Variants in BAZ1A observed in about 807,000 individuals in gnomAD.
BAZ1A encodes bromodomain adjacent to zinc finger domain protein 1A.
BAZ1A carries 50 observed loss-of-function variants against 185.2 expected under a neutral mutation model. That is an observed-to-expected ratio of 0.27 (90% CI 0.22 to 0.34). BAZ1A has a LOEUF of 0.34. Ranked by LOEUF, BAZ1A falls within the 10% of genes least tolerant of loss-of-function variation. The pLI is 1.00. For missense variants in BAZ1A, 1,356 were observed against 1,839.9 expected (o/e 0.74, Z 4.81); for synonymous variants, 571 against 615.6 (o/e 0.93, Z 1.07).
chr14:34,853,338 C>T (rs2042626133), intron 3 of BAZ1A, among the ~76,000 whole-genome samples: 1 of 152,180 alleles, frequency 6.6e-6, no homozygotes, highest in South Asian at 2.1e-4. Context: ...TTTCCCCTAT[C>T]TTTGCCAAGT....
At chr14:34,761,233 C>T (rs1169840853) in intron 24 of BAZ1A, among the ~76,000 whole-genome samples, 1 of 152,144 alleles carries the variant, frequency 6.6e-6, no homozygotes, top group African/African-American at 2.4e-5. Context: ...GCCAAGATTG[C>T]ACCACTGCAC....
chr14:34,823,920 C>T (rs2042123714), intron 4 of BAZ1A, among the ~76,000 whole-genome samples: 1 of 152,038 alleles, frequency 6.6e-6, no homozygotes. Flanking sequence ...TTAAAGGTTA[C>T]AATCTTTGAC....
In BAZ1A at chr14:34,874,579, A is replaced by C. The variant is rs747122468; in HGVS notation, c.26T>G (p.Phe9Cys). MPLLHRKP[F>C]VRQKPPADLR... The stretch of plus-strand genomic sequence containing the variant: ...GTCCGCGGGCGGCTTCTGTCTCACA[A>C]ACGGCTTTCGGTGTAGCAGCGGCAT... Residue 9 changes from phenylalanine (F) to cysteine (C), a missense_variant, in exon 2 of 27, where the codon TTT (phenylalanine) becomes TGT (cysteine). Physicochemically the swap from Phe to Cys is radical, Grantham distance 205 (BLOSUM62 -2). Transcript: ENST00000360310. The surrounding 1 kb of genome is among the most constrained non-coding windows in gnomAD (Gnocchi z 4.7). 1.1e-5 allele frequency: 17 copies of C among 1,609,238 alleles called. No homozygotes were observed. Among genetic ancestry groups the C allele is most frequent in the Non-Finnish European group, 1.4e-5 (17 of 1,178,110 alleles).
intron 15 of BAZ1A, 77 bp downstream of exon 15, chr14:34,783,685 G>C: frequency 6.6e-7 from 1 of 1,515,734 alleles, no homozygotes; most frequent in Non-Finnish European, 8.9e-7. Context: ...CCACATTATA[G>C]CACCATGTGA....
chr14:34,865,491 T>G (rs1196069221), intron 2 of BAZ1A, among the ~76,000 whole-genome samples: 2 of 152,216 alleles, frequency 1.3e-5, no homozygotes, highest in Non-Finnish European at 2.9e-5. Flanking sequence ...CATCTATCTG[T>G]GTAGGTTATC....
At chr14:34,776,635 C>G in intron 17 of BAZ1A, 120 bp from the exon 18 acceptor site, 2 of 757,096 alleles carry the variant, frequency 2.6e-6, no homozygotes, top group Non-Finnish European at 4.2e-6. Context: ...CCCCTCTCCA[C>G]AACCCCAAGT....
At chr14:34,831,404 T>C (rs1327834341) in intron 3 of BAZ1A, among the ~76,000 whole-genome samples, 2 of 152,218 alleles carry the variant, frequency 1.3e-5, no homozygotes, top group African/African-American at 4.8e-5. Context: ...GATAAAATTC[T>C]GGTGCTGTCG....
chr14:34,846,875 C>T (rs1440161938), intron 3 of BAZ1A, among the ~76,000 whole-genome samples: 1 of 151,958 alleles, frequency 6.6e-6, no homozygotes, highest in East Asian at 1.9e-4. Flanking sequence ...ATCCTGCACA[C>T]GTACCTCAGA....
chr14:34,873,434 C>A (rs1013493044), intron 2 of BAZ1A, among the ~76,000 whole-genome samples: 3 of 152,216 alleles, frequency 2.0e-5, no homozygotes, highest in Non-Finnish European at 4.4e-5. Context: ...CCCCCTTGCT[C>A]CGTGTCACAG....
chr14:34,863,473 A>G (rs981442825), intron 2 of BAZ1A, among the ~76,000 whole-genome samples: 4 of 151,030 alleles, frequency 2.6e-5, no homozygotes, highest in African/African-American at 4.9e-5. Flanking sequence ...ATGCTCATCT[A>G]ATTTTTATAT....
At chr14:34,838,498 G>A (rs1376708634) in intron 3 of BAZ1A, among the ~76,000 whole-genome samples, 2 of 151,614 alleles carry the variant, frequency 1.3e-5, no homozygotes, top group Non-Finnish European at 2.9e-5. Context: ...AATTTTGCAA[G>A]ATAATATCAT....
chr14:34,784,305 T>C (rs1880261845), intron 14 of BAZ1A, among the ~76,000 whole-genome samples: 1 of 133,550 alleles, frequency 7.5e-6, no homozygotes, highest in Admixed American at 8.4e-5. Flanking sequence ...GAGGCGGAGG[T>C]TGCGTTGCGC....
intron 3 of BAZ1A, among the ~76,000 whole-genome samples, chr14:34,856,443 C>T (rs1382119990): frequency 6.6e-6 from 1 of 152,112 alleles, no homozygotes; most frequent in Non-Finnish European, 1.5e-5. Flanking sequence ...GCCATCATGC[C>T]TGGCTTTTTC....
chr14:34,861,889 A>G (rs1440298681), intron 3 of BAZ1A, among the ~76,000 whole-genome samples, 155 bp downstream of exon 3: 1 of 152,232 alleles, frequency 6.6e-6, no homozygotes, highest in African/African-American at 2.4e-5. Context: ...GGAAAGATAT[A>G]CAAGAAACAG....
intron 12 of BAZ1A, among the ~76,000 whole-genome samples, chr14:34,792,339 C>G (rs1327540102): frequency 6.6e-6 from 1 of 151,566 alleles, no homozygotes; most frequent in Non-Finnish European, 1.5e-5. Context: ...GAGCCAAGAT[C>G]ACGCCAACGC....
chr14:34,795,492 T>C (rs1015681068), intron 10 of BAZ1A, among the ~76,000 whole-genome samples, 178 bp downstream of exon 10: 1 of 152,192 alleles, frequency 6.6e-6, no homozygotes, highest in East Asian at 1.9e-4. Context: ...AAGCTGATTA[T>C]AAAACACTAA....
chr14:34,867,647 C>T (rs1437062666), intron 2 of BAZ1A, among the ~76,000 whole-genome samples: 1 of 152,194 alleles, frequency 6.6e-6, no homozygotes, highest in Middle Eastern at 3.2e-3. Context: ...ATTTACTCTA[C>T]AAAGTTATTG....
chr14:34,847,613 A>G (rs2042535304), intron 3 of BAZ1A, among the ~76,000 whole-genome samples: 1 of 152,170 alleles, frequency 6.6e-6, no homozygotes, highest in South Asian at 2.1e-4. Context: ...CTGGCATCCA[A>G]GCATGCATAT....
intron 3 of BAZ1A, among the ~76,000 whole-genome samples, chr14:34,839,987 T>C (rs999885630): frequency 6.6e-6 from 1 of 152,102 alleles, no homozygotes; most frequent in African/African-American, 2.4e-5. Context: ...TAAAACTGAT[T>C]TTTAAAATAA....
Sources: allele counts gnomAD v4.1 joint callset (sites outside exome capture counted in the v4.1 genomes callset), GRCh38; gene constraint gnomAD v4.1.1; non-coding constraint Gnocchi (gnomAD v3.1); transcripts MANE v1.5; gene names NCBI Gene and HGNC (gene_info 2026-07-23, HGNC 2026-07-21).